CFAP20DC: variants seen among roughly 807,000 people sequenced by gnomAD.
CFAP20DC encodes protein CFAP20DC.
Under a neutral mutation model 101.7 loss-of-function variants are expected in CFAP20DC, and 84 were observed. The ratio of observed to expected loss-of-function variants is 0.83; its 90% CI spans 0.69 to 0.99. The LOEUF (loss-of-function observed/expected upper bound fraction) is 0.99. CFAP20DC is among the 50% of genes least tolerant of loss of function. The pLI is 0.00. For synonymous variants in CFAP20DC, 359 were observed against 351.2 expected (o/e 1.02, Z -0.25); for missense variants, 1,007 against 970.3 (o/e 1.04, Z -0.50).
intron 12 of CFAP20DC, among the ~76,000 whole-genome samples, chr3:58,854,194 GACAA>G (rs1368318191): frequency 2.6e-5 from 4 of 151,806 alleles, no homozygotes; most frequent in Admixed American, 6.6e-5. Flanking sequence ...ACCAACAACA[GACAA>G]ACAGAGAGCC....
At chr3:58,736,581 GT>G (rs911176278) in intron 3 of CFAP20DC, among the ~76,000 whole-genome samples, 1 of 152,156 alleles carries the variant, frequency 6.6e-6, no homozygotes, top group African/African-American at 2.4e-5. Flanking sequence ...GCTTATCTCA[GT>G]TTTTAAGGTC....
At chr3:58,851,176 G>C (rs780581536) in intron 12 of CFAP20DC, among the ~76,000 whole-genome samples, 1 of 152,162 alleles carries the variant, frequency 6.6e-6, no homozygotes, top group Non-Finnish European at 1.5e-5. Context: ...AAGGCAAAGA[G>C]GAGTCATTGT....
Position 58,979,362 on chromosome 3 carries a change from A to G in CFAP20DC, c.279-41600T>C, listed in dbSNP as rs139180053. 2.5e-4 allele frequency among the ~76,000 whole-genome samples: 38 copies of G among 152,360 alleles called. No individual in the cohort carries two copies. The Middle Eastern group carries it at 0.01, about 41-fold the overall frequency. ...AATTGCTATAAGGATTGAATGCAAT[A>G]ATGTATGTAAATTGCTTAGTATAGT... On this transcript the variant is annotated intron_variant, in intron 4 of 16. Transcript: ENST00000482387.
intron 14 of CFAP20DC, among the ~76,000 whole-genome samples, chr3:58,814,272 C>G (rs1575728535): frequency 6.6e-6 from 1 of 151,912 alleles, no homozygotes; most frequent in Non-Finnish European, 1.5e-5. Flanking sequence ...GAAGTGGTTA[C>G]AGAATCCTAT....
intron 4 of CFAP20DC, among the ~76,000 whole-genome samples, chr3:59,016,245 G>T (rs745688798): frequency 5.3e-5 from 8 of 152,086 alleles, no homozygotes; most frequent in Admixed American, 1.3e-4. Context: ...GAGGCTGGAG[G>T]ATATTATGTT....
At chr3:59,019,757 T>C (rs2093765399) in intron 4 of CFAP20DC, among the ~76,000 whole-genome samples, 1 of 152,074 alleles carries the variant, frequency 6.6e-6, no homozygotes, top group South Asian at 2.1e-4. Flanking sequence ...AGATAGCAGT[T>C]TTCAAAATGT....
chr3:58,813,571 C>G (rs1317992404), intron 14 of CFAP20DC, among the ~76,000 whole-genome samples: 3 of 151,872 alleles, frequency 2.0e-5, no homozygotes, highest in Non-Finnish European at 4.4e-5. Flanking sequence ...CCTGTATATA[C>G]AGAGCTCATA....
At chr3:58,798,367 TG>T (rs1416730552) in intron 15 of CFAP20DC, among the ~76,000 whole-genome samples, 4 of 152,056 alleles carry the variant, frequency 2.6e-5, no homozygotes, top group Non-Finnish European at 4.4e-5. Flanking sequence ...ACAGATGTGG[TG>T]GAAATAGCAA....
chr3:59,048,482 T>C (rs1356244762), intron 1 of CFAP20DC, among the ~76,000 whole-genome samples: 1 of 152,164 alleles, frequency 6.6e-6, no homozygotes, highest in Non-Finnish European at 1.5e-5. Context: ...AAAGCCCTCA[T>C]ACTCGGTGAG....
intron 14 of CFAP20DC, among the ~76,000 whole-genome samples, chr3:58,808,316 A>C (rs2074288614): frequency 6.6e-6 from 1 of 152,220 alleles, no homozygotes; most frequent in Non-Finnish European, 1.5e-5. Flanking sequence ...GCCAGAGAGA[A>C]AGGTCGGGGT....
intron 15 of CFAP20DC, among the ~76,000 whole-genome samples, chr3:58,805,660 TA>T (rs2074001729): frequency 6.6e-6 from 1 of 152,194 alleles, no homozygotes; most frequent in African/African-American, 2.4e-5. Flanking sequence ...GACTTTTCAA[TA>T]ATTTCCTAAT....
Position 58,981,222 on chromosome 3 carries a change from A to G in CFAP20DC, c.279-43460T>C, listed in dbSNP as rs185758542. Among the ~76,000 whole-genome samples the G allele has an allele frequency of 5.9e-4, 90 of 152,260 alleles. 1 individual carries two copies. The highest frequency in any genetic ancestry group is 2.0e-3 in the African/African-American group (84 of 41,542). Reference sequence around the variant, plus strand: ...AAATAAAAAAGAATACAAACAAATGAAAGAACATTCCATGCTCATGGGTAG... The same window carrying G: ...AAATAAAAAAGAATACAAACAAATGGAAGAACATTCCATGCTCATGGGTAG... On this transcript the variant is annotated intron_variant, in intron 4 of 16. Coordinates refer to ENST00000482387, the MANE Select transcript of CFAP20DC (RefSeq NM_001394063.1).
chr3:58,779,295 T>C (rs753023761), intron 15 of CFAP20DC, among the ~76,000 whole-genome samples: 2 of 151,876 alleles, frequency 1.3e-5, no homozygotes, highest in Admixed American at 6.6e-5. Flanking sequence ...CAAACACACA[T>C]AGACTAAAAA....
At chr3:58,837,251 A>C (rs1053186719) in intron 13 of CFAP20DC, among the ~76,000 whole-genome samples, 1 of 152,182 alleles carries the variant, frequency 6.6e-6, no homozygotes, top group African/African-American at 2.4e-5. Flanking sequence ...ATATATTCTT[A>C]ATAGCTTCTA....
At chr3:58,902,545 C>A (rs764526243) in intron 6 of CFAP20DC, among the ~76,000 whole-genome samples, 6 of 152,106 alleles carry the variant, frequency 3.9e-5, no homozygotes, top group Non-Finnish European at 8.8e-5. Context: ...CATTTTTTCA[C>A]GTGTTTGTCT....
rs2091977999 is a variant in CFAP20DC, at chr3:58,971,998, T to C, written c.279-34236A>G. Among the ~76,000 whole-genome samples, 1 of 152,166 alleles carries C rather than the reference T, an allele frequency of 6.6e-6. No homozygotes were observed. The highest frequency in any genetic ancestry group is 1.5e-5 in the Non-Finnish European group (1 of 68,028). On this transcript the variant is annotated intron_variant, in intron 4 of 16. Coordinates refer to ENST00000482387, the MANE Select transcript of CFAP20DC (RefSeq NM_001394063.1). This position sits in a 1 kb window ranked among gnomAD's most constrained non-coding sequence, Gnocchi z 4.1. Reference sequence around the variant, plus strand: ...AGGTGTGGATTACTTTAATTCTGTATGCAATTTTAAAATGGCAGAGTTTTA... The same window carrying C: ...AGGTGTGGATTACTTTAATTCTGTACGCAATTTTAAAATGGCAGAGTTTTA...
rs59036589 is a variant in CFAP20DC at position 59,006,839 on chromosome 3, G to A, written c.278+32718C>T. Among the ~76,000 whole-genome samples, 1,591 of 152,242 alleles carry A rather than the reference G, an allele frequency of 0.01. 36 individuals carry two copies. The highest frequency in any genetic ancestry group is 0.036 in the African/African-American group (1,477 of 41,548). On this transcript the variant is annotated intron_variant, in intron 4 of 16. Coordinates refer to ENST00000482387, the MANE Select transcript of CFAP20DC (RefSeq NM_001394063.1). This position sits in a 1 kb window ranked among gnomAD's most constrained non-coding sequence, Gnocchi z 4.3. ...TCAGAATCTGGGTGGGGAGCAAATG[G>A]GAACTGTTACAGATGCAAACACAGG...
At chr3:58,884,422 T>G (rs9826422) in intron 7 of CFAP20DC, 123 bp downstream of exon 7, 227,388 of 837,500 alleles carry the variant, frequency 0.27, 32,605 homozygotes, top group Non-Finnish European at 0.3. Flanking sequence ...ATGTGGCAAG[T>G]ATACTCTGTT....
chr3:58,835,135 G>T lies in CFAP20DC; in HGVS notation c.1972-3246C>A, dbSNP rs145304560. Among the ~76,000 whole-genome samples the T allele has an allele frequency of 8.1e-4, 123 of 152,184 alleles. 1 individual carries two copies. Among genetic ancestry groups the T allele is most frequent in the African/African-American group, 2.8e-3 (116 of 41,518 alleles). ...CTTTCATCCATTCTGTAAATGCTAGGAACTGGGAGCACAAAGAAAACAAGA... is the reference window on the plus strand; with the variant it reads ...CTTTCATCCATTCTGTAAATGCTAGTAACTGGGAGCACAAAGAAAACAAGA... On this transcript the variant is annotated intron_variant, in intron 13 of 16. Transcript: ENST00000482387.
Sources: gnomAD v4.1 joint callset for allele counts (sites outside exome capture counted in the v4.1 genomes callset) on GRCh38, gnomAD v4.1.1 for gene constraint, Gnocchi (gnomAD v3.1) non-coding constraint, MANE v1.5 for transcripts, NCBI Gene and HGNC (gene_info 2026-07-23, HGNC 2026-07-21) for gene names.